RSRC1: variants seen among roughly 807,000 people sequenced by gnomAD.
RSRC1 encodes the protein arginine and serine rich coiled-coil 1.
Under a neutral mutation model 49.1 loss-of-function variants are expected in RSRC1, and 39 were observed. The ratio of observed to expected loss-of-function variants is 0.79; its 90% CI spans 0.61 to 1.04. RSRC1 has a LOEUF of 1.04. Among genes scored for constraint, RSRC1 ranks in the 50% least tolerant of loss-of-function variants. The pLI, the probability that RSRC1 is intolerant of heterozygous loss-of-function variation, is 0.00. For synonymous variants in RSRC1, 143 were observed against 130.8 expected (o/e 1.09, Z -0.63); for missense variants, 388 against 402.4 (o/e 0.96, Z 0.31).
At chr3:158,295,982 A>T (rs1454277706) in intron 4 of RSRC1, among the ~76,000 whole-genome samples, 1 of 152,090 alleles carries the variant, frequency 6.6e-6, no homozygotes, top group African/African-American at 2.4e-5. Flanking sequence ...ACTAACGTGT[A>T]TGATGATGAG....
intron 1 of RSRC1, among the ~76,000 whole-genome samples, chr3:158,118,413 C>CTGTGTGTGTGTGTGTGTGTGTG (rs57257889): frequency 1.1e-5 from 1 of 90,070 alleles, no homozygotes; most frequent in Admixed American, 1.2e-4. Context: ...ACCTGGCCTT[C>CTGTGTGTGTGTGTGTGTGTGTG]TGTGTGTGTG....
chr3:158,222,597 A>G (rs1050016543), intron 4 of RSRC1, among the ~76,000 whole-genome samples: 11 of 151,570 alleles, frequency 7.3e-5, no homozygotes, highest in Non-Finnish European at 1.3e-4. Context: ...GATGGCATAT[A>G]TTCATTCTCC....
chr3:158,392,270 T>C (rs1733350083), intron 6 of RSRC1, among the ~76,000 whole-genome samples: 1 of 152,144 alleles, frequency 6.6e-6, no homozygotes, highest in Non-Finnish European at 1.5e-5. Flanking sequence ...AGAATAATTT[T>C]GGTCCAGTTG....
At chr3:158,493,733 T>A (rs1739193587) in intron 7 of RSRC1, among the ~76,000 whole-genome samples, 1 of 152,112 alleles carries the variant, frequency 6.6e-6, no homozygotes, top group Non-Finnish European at 1.5e-5. Context: ...TTTGACTCAT[T>A]TGGACATGGA....
intron 6 of RSRC1, among the ~76,000 whole-genome samples, chr3:158,440,088 C>G (rs1736299254): frequency 6.6e-6 from 1 of 152,076 alleles, no homozygotes; most frequent in Admixed American, 6.6e-5. Context: ...ACCTATGTAA[C>G]AAACCTGCAC....
intron 4 of RSRC1, among the ~76,000 whole-genome samples, chr3:158,248,045 T>C (rs1724002315): frequency 6.6e-6 from 1 of 152,206 alleles, no homozygotes; most frequent in Non-Finnish European, 1.5e-5. Context: ...CTATATCCAC[T>C]GGCCCCTTTC....
chr3:158,125,241 A>G (rs1054352292), intron 3 of RSRC1, among the ~76,000 whole-genome samples: 2 of 150,836 alleles, frequency 1.3e-5, no homozygotes, highest in Admixed American at 1.3e-4. Context: ...TTTTTCTCTA[A>G]TCATTTTTAT....
chr3:158,347,271 T>G (rs569502234), intron 5 of RSRC1, among the ~76,000 whole-genome samples: 1 of 152,292 alleles, frequency 6.6e-6, no homozygotes, highest in African/African-American at 2.4e-5. Context: ...GAAGACATAG[T>G]TTATAAAATT....
chr3:158,288,373 T>TG (rs1212134690), intron 4 of RSRC1, among the ~76,000 whole-genome samples: 1 of 152,150 alleles, frequency 6.6e-6, no homozygotes, highest in Non-Finnish European at 1.5e-5. Flanking sequence ...TGGGTTGAAG[T>TG]GGGGGGTGAC....
At chr3:158,394,286 A>G (rs896903899) in intron 6 of RSRC1, among the ~76,000 whole-genome samples, 7 of 152,104 alleles carry the variant, frequency 4.6e-5, no homozygotes, top group African/African-American at 1.7e-4. Context: ...TCAACATCGT[A>G]TTGGAAGTCC....
chr3:158,511,217 T>C (rs1354165316), intron 7 of RSRC1, among the ~76,000 whole-genome samples: 1 of 152,112 alleles, frequency 6.6e-6, no homozygotes, highest in Non-Finnish European at 1.5e-5. Flanking sequence ...TAACTCGTCA[T>C]CTAGCATTAG....
chr3:158,362,350 A>G (rs1486607180), intron 6 of RSRC1, among the ~76,000 whole-genome samples: 1 of 152,222 alleles, frequency 6.6e-6, no homozygotes, highest in Non-Finnish European at 1.5e-5. Flanking sequence ...CAAAAAAAAT[A>G]GAAATTACAT....
At chr3:158,140,459 C>G (rs1018117152) in intron 3 of RSRC1, among the ~76,000 whole-genome samples, 5 of 152,306 alleles carry the variant, frequency 3.3e-5, no homozygotes, top group African/African-American at 1.2e-4. Flanking sequence ...ACTGTAACAG[C>G]ACATTGGACA....
At position 158,399,123 on chromosome 3, in the gene RSRC1, C is replaced by CTTTTT. The variant is rs1161504489; in HGVS notation, c.583+44260_583+44264dup. On this transcript the variant is annotated intron_variant, in intron 6 of 9. Transcript: ENST00000611884. ...GTCTTATAAGAAATACTATTATTTC[C>CTTTTT]TTTTTTTTTTTTTTTTTTTTTTTTT... Among the ~76,000 whole-genome samples the CTTTTT allele has an allele frequency of 1.1e-3, 33 of 30,108 alleles. 15 individuals carry two copies. Among genetic ancestry groups the CTTTTT allele is most frequent in the Non-Finnish European group, 1.7e-3 (26 of 14,906 alleles). 19.8% of individuals were successfully genotyped at this position (30,108 alleles called of 152,430 possible).
At chr3:158,233,240 AT>A (rs1723062482) in intron 4 of RSRC1, among the ~76,000 whole-genome samples, 2 of 151,696 alleles carry the variant, frequency 1.3e-5, no homozygotes, top group East Asian at 3.9e-4. Flanking sequence ...TTATTTGTTT[AT>A]TTGTTTTTAT....
intron 6 of RSRC1, among the ~76,000 whole-genome samples, chr3:158,380,269 T>A (rs1253783911): frequency 6.6e-6 from 1 of 152,206 alleles, no homozygotes; most frequent in Non-Finnish European, 1.5e-5. Flanking sequence ...ATATCACAGA[T>A]ATCTGTGCTG....
intron 4 of RSRC1, among the ~76,000 whole-genome samples, chr3:158,268,075 G>C (rs1310353428): frequency 6.6e-6 from 1 of 151,828 alleles, no homozygotes; most frequent in Non-Finnish European, 1.5e-5. Flanking sequence ...AGTCTTTTCT[G>C]TTTCTATGTA....
intron 7 of RSRC1, among the ~76,000 whole-genome samples, chr3:158,513,380 GT>G (rs1740298157): frequency 6.6e-6 from 1 of 152,128 alleles, no homozygotes; most frequent in African/African-American, 2.4e-5. Flanking sequence ...TAATCATGTG[GT>G]TTTTGCCTTT....
intron 7 of RSRC1, among the ~76,000 whole-genome samples, chr3:158,502,915 T>A (rs1286352874): frequency 1.3e-5 from 2 of 152,108 alleles, no homozygotes; most frequent in Non-Finnish European, 2.9e-5. Flanking sequence ...GGTAAAGTAG[T>A]GTGATTTTTG....
Sources: allele counts gnomAD v4.1 joint callset (sites outside exome capture counted in the v4.1 genomes callset), GRCh38; gene constraint gnomAD v4.1.1; transcripts MANE v1.5; gene names NCBI Gene and HGNC (gene_info 2026-07-23, HGNC 2026-07-21).